Variants in NLRP1 observed in about 807,000 individuals in gnomAD.
NLRP1 encodes NLR family pyrin domain containing 1, also known as NACHT, LRR and PYD domains-containing protein 1.
Under a neutral mutation model 136.7 loss-of-function variants are expected in NLRP1, and 94 were observed. That is an observed-to-expected ratio of 0.69 (90% CI 0.58 to 0.82). The LOEUF (loss-of-function observed/expected upper bound fraction) is 0.82. Ranked by LOEUF, NLRP1 falls within the 40% of genes least tolerant of loss-of-function variation. The pLI is 0.00. For synonymous variants in NLRP1, 690 were observed against 725.1 expected, an observed-to-expected ratio of 0.95 and a Z score of 0.78; for missense variants, 1,575 against 1,802.7, an observed-to-expected ratio of 0.87 and a Z score of 2.29.
downstream of NLRP1, chr17:5,512,266 C>G (rs1444452586): frequency 5.2e-6 from 8 of 1,536,310 alleles, no homozygotes; most frequent in African/African-American, 8.1e-5. Flanking sequence ...AGGACAAGAT[C>G]TAGACAGGTG....
At chr17:5,557,846 A>G (rs892718210) in intron 4 of NLRP1, among the ~76,000 whole-genome samples, 2 of 152,218 alleles carry the variant, frequency 1.3e-5, no homozygotes, top group Non-Finnish European at 2.9e-5. Flanking sequence ...TTGCAGGGAA[A>G]AATAGGAAAC....
At chr17:5,561,045 G>C (rs182543474) in intron 3 of NLRP1, among the ~76,000 whole-genome samples, 82 of 152,288 alleles carry the variant, frequency 5.4e-4, no homozygotes, top group African/African-American at 1.9e-3. Flanking sequence ...CTCCTTAGGT[G>C]AATTTCATTT....
At position 5,581,931 on chromosome 17, in the gene NLRP1, G is replaced by A. The variant is rs1905703379; in HGVS notation, c.580C>T (p.Leu194=). 1 of 1,613,978 alleles carries A rather than the reference G, an allele frequency of 6.2e-7. No individual in the cohort carries two copies. Among genetic ancestry groups the A allele is most frequent in the African/African-American group, 1.3e-5 (1 of 75,040 alleles). ...GGAGCCTCCTGCTCTCTGGGTGCTA[G>A]GCTGGGCTGAGGTGGGGATCCCCAG... ...GSWGSPPQPS[L]APREQEAPGT... Residue 194 remains leucine (L), a synonymous_variant, in exon 3 of 17, where the codon CTA becomes TTA. Transcript: ENST00000572272.
At chr17:5,581,025 A>G (rs1386283618) in intron 3 of NLRP1, among the ~76,000 whole-genome samples, 1 of 152,230 alleles carries the variant, frequency 6.6e-6, no homozygotes, top group Admixed American at 6.5e-5. Flanking sequence ...GTGAGTAATT[A>G]AGTAAACTGA....
At position 5,532,870 on chromosome 17, in the gene NLRP1, G is replaced by A. The variant is rs756567220; in HGVS notation, c.3248C>T (p.Thr1083Met). 41 of 1,612,436 alleles carry A rather than the reference G, an allele frequency of 2.5e-5. 1 individual carries two copies. The South Asian group carries it at 2.8e-4, about 11-fold the overall frequency. The change falls in exon 11 of 17, where the codon ACG (threonine) becomes ATG (methionine). Residue 1083 changes from threonine to methionine, a missense_variant. By Grantham distance (81) the Thr-to-Met change is moderately conservative (BLOSUM62 -1). Coordinates refer to ENST00000572272, the MANE Select transcript of NLRP1 (RefSeq NM_033004.4). ...AACTACCTCAGTAGCCACAGGCCCC[G>A]TGGGGCCCCAGAAGTCATCGTCAGT... ...LGTDDDFWGP[T>M]GPVATEVVDK...
Position 5,559,094 on chromosome 17 carries a change from C to T in NLRP1, c.1602G>A (p.Met534Ile). The T allele has an allele frequency of 6.2e-7, 1 of 1,614,178 alleles. No individual in the cohort carries two copies. The highest frequency in any genetic ancestry group is 8.5e-7 in the Non-Finnish European group (1 of 1,180,024). ...TCAGTGTGAGTTTTTCCTTCCGCTT[C>T]ATCTGCTGCATCAGGCAAGTGCAGG... ...WLACTCLMQQMKRKEKLTLTS... is the reference protein window; with the variant it reads ...WLACTCLMQQIKRKEKLTLTS... The change falls in exon 4 of 17, where the codon ATG becomes ATA. Residue 534 changes from methionine to isoleucine, a missense_variant. Physicochemically the swap from Met to Ile is conservative, Grantham distance 10 (BLOSUM62 1). Transcript: ENST00000572272.
intron 5 of NLRP1, among the ~76,000 whole-genome samples, chr17:5,549,723 G>A (rs974672390): frequency 2.0e-5 from 3 of 152,216 alleles, no homozygotes; most frequent in Non-Finnish European, 4.4e-5. Context: ...GGAACCTTGA[G>A]TACAGTGTTG....
downstream of NLRP1, among the ~76,000 whole-genome samples, chr17:5,509,963 C>T (rs868715700): frequency 3.5e-4 from 54 of 152,208 alleles, no homozygotes; most frequent in African/African-American, 1.2e-3. Context: ...CCCTGCTGCC[C>T]TGCACTTCTC....
intron 15 of NLRP1, among the ~76,000 whole-genome samples, chr17:5,506,523 C>A (rs773143712): frequency 1.3e-5 from 2 of 152,140 alleles, no homozygotes; most frequent in Admixed American, 6.6e-5. Context: ...AAGCAACACA[C>A]GTGTCCATCA....
chr17:5,574,624 C>G (rs970474665), intron 3 of NLRP1, among the ~76,000 whole-genome samples: 2 of 151,008 alleles, frequency 1.3e-5, no homozygotes, highest in Non-Finnish European at 2.9e-5. Flanking sequence ...AGAAACTCTA[C>G]AAGCCAGAAG....
At chr17:5,582,599 C>A in intron 2 of NLRP1, 71 bp downstream of exon 2, 1 of 1,458,452 alleles carries the variant, frequency 6.9e-7, no homozygotes, top group South Asian at 1.2e-5. Context: ...CAGACATGAT[C>A]CTCTGGGTGG....
intron 5 of NLRP1, among the ~76,000 whole-genome samples, chr17:5,545,337 GACACACACACAC>G (rs55788409): frequency 1.4e-5 from 2 of 147,732 alleles, no homozygotes; most frequent in African/African-American, 5.0e-5. Flanking sequence ...CAGACACACA[GACACACACACAC>G]ACACACACAG....
chr17:5,513,602 A>G (rs556056360), downstream of NLRP1, among the ~76,000 whole-genome samples: 23 of 152,348 alleles, frequency 1.5e-4, no homozygotes, highest in African/African-American at 5.5e-4. Context: ...TCATTCGATC[A>G]GGTACGAAGA....
At chr17:5,515,306 A>G (rs1452527010) in intron 16 of NLRP1, among the ~76,000 whole-genome samples, 167 bp downstream of exon 16, 1 of 152,106 alleles carries the variant, frequency 6.6e-6, no homozygotes, top group Non-Finnish European at 1.5e-5. Context: ...GTCTCTGTGG[A>G]TAGGACAAGG....
intron 15 of NLRP1, among the ~76,000 whole-genome samples, chr17:5,516,051 C>T (rs1016036316): frequency 1.1e-4 from 16 of 144,462 alleles, no homozygotes; most frequent in African/African-American, 3.3e-4. Context: ...AAACAGACAA[C>T]GACAAAAATG....
At chr17:5,553,264 G>T in intron 5 of NLRP1, 122 bp downstream of exon 5, 1 of 847,572 alleles carries the variant, frequency 1.2e-6, no homozygotes, top group Non-Finnish European at 1.7e-6. Flanking sequence ...AGTCATCCCG[G>T]CCAGAGAAGG....
At chr17:5,553,281 C>G (rs906128091) in intron 5 of NLRP1, 105 bp downstream of exon 5, 9 of 1,081,486 alleles carry the variant, frequency 8.3e-6, no homozygotes, top group Non-Finnish European at 1.1e-5. Context: ...AAGGCCTCAA[C>G]GAATATTTGA....
Position 5,537,245 on chromosome 17 carries a change from G to A in NLRP1, c.2871-305C>T, listed in dbSNP as rs955790132. Among the ~76,000 whole-genome samples the A allele has an allele frequency of 2.6e-5, 4 of 152,232 alleles. No individual in the cohort carries two copies. The East Asian group carries it at 7.7e-4, about 29-fold the overall frequency. On this transcript the variant is annotated intron_variant, in intron 7 of 16. Coordinates refer to ENST00000572272, the MANE Select transcript of NLRP1 (RefSeq NM_033004.4). This position sits in a 1 kb window ranked among gnomAD's most constrained non-coding sequence, Gnocchi z 4.5. ...GCTGTTTAAAGGAGTTGGGTTGAGGGGCTGGGCCTTTCTACCCCAACATTG... is the reference window on the plus strand; with the variant it reads ...GCTGTTTAAAGGAGTTGGGTTGAGGAGCTGGGCCTTTCTACCCCAACATTG...
At chr17:5,549,704 A>G (rs11656977) in intron 5 of NLRP1, among the ~76,000 whole-genome samples, 7,191 of 152,238 alleles carry the variant, frequency 0.047, 197 homozygotes, top group Middle Eastern at 0.085. Flanking sequence ...TTGCTTAATT[A>G]CTCTGGATGG....
Sources: allele counts gnomAD v4.1 joint callset (sites outside exome capture counted in the v4.1 genomes callset), GRCh38; gene constraint gnomAD v4.1.1; non-coding constraint Gnocchi (gnomAD v3.1); transcripts MANE v1.5; gene names NCBI Gene and HGNC (gene_info 2026-07-23, HGNC 2026-07-21).